STK3: variants seen among roughly 807,000 people sequenced by gnomAD.
STK3 encodes the protein serine/threonine-protein kinase 3.
STK3 carries 41 observed loss-of-function variants against 58.0 expected under a neutral mutation model. The ratio of observed to expected loss-of-function variants is 0.71; its 90% confidence interval spans 0.55 to 0.92. The LOEUF (loss-of-function observed/expected upper bound fraction) is 0.92, where lower values mean the gene tolerates loss of function less well. Ranked by LOEUF, STK3 falls within the 40% of genes least tolerant of loss-of-function variation. The pLI is 0.00. For missense variants in STK3, 479 were observed against 602.7 expected (o/e 0.79, Z 2.15); for synonymous variants, 170 against 191.0 (o/e 0.89, Z 0.91).
At chr8:98,804,617 A>G (rs1358428489) in intron 1 of STK3, among the ~76,000 whole-genome samples, 1 of 152,166 alleles carries the variant, frequency 6.6e-6, no homozygotes, top group Non-Finnish European at 1.5e-5. Context: ...TCTTCAACTC[A>G]ACTAGTTATC....
At chr8:98,660,314 T>A (rs1301730750) in intron 6 of STK3, among the ~76,000 whole-genome samples, 2 of 152,002 alleles carry the variant, frequency 1.3e-5, no homozygotes. Context: ...GTTGCAGTTG[T>A]GCTAGATGAA....
Position 98,596,069 on chromosome 8 carries a change from T to A in STK3, c.785A>T (p.Asn262Ile). ...TGTTGCAGTAGCTCTCTGCTCAGGA[T>A]TCTTCACCAAACACTTTTTAACAAA... The part of the protein sequence containing the change: ...TDFVKKCLVK[N>I]PEQRATATQL... The change falls in exon 7 of 11, where the codon AAT becomes ATT. Residue 262 changes from asparagine to isoleucine, a missense_variant. This residue lies in a region of STK3 where 309 missense variants were observed against 355.7 expected (regional missense o/e 0.87). Coordinates refer to ENST00000419617, the MANE Select transcript of STK3 (RefSeq NM_006281.4). 1 of 1,613,436 alleles carries A rather than the reference T, an allele frequency of 6.2e-7. No individual in the cohort carries two copies.
rs1243280491 is a variant in STK3 at position 98,454,846 on chromosome 8, T to C, written c.*996A>G. ...AGTCCCCAAGGCTTGTACCACTCAG[T>C]ACAAATGTTTTTGCTACTGGGTTAT... On this transcript the variant is annotated 3_prime_UTR_variant, in exon 11 of 11. Transcript: ENST00000419617. The C allele has an allele frequency of 6.6e-6, 1 of 152,612 alleles. No homozygotes were observed. Among genetic ancestry groups the C allele is most frequent in the South Asian group, 2.1e-4 (1 of 4,820 alleles). The allele number at this position is 152,612 out of a possible 1,614,324, so 9.5% of individuals were successfully genotyped here.
chr8:98,464,295 C>T (rs1820251628), intron 10 of STK3, among the ~76,000 whole-genome samples: 1 of 152,082 alleles, frequency 6.6e-6, no homozygotes. Flanking sequence ...GCAACATACT[C>T]TTTTTTCCCT....
intron 1 of STK3, among the ~76,000 whole-genome samples, chr8:98,801,331 A>G (rs376204251): frequency 1.3e-5 from 2 of 152,138 alleles, no homozygotes; most frequent in African/African-American, 4.8e-5. Context: ...GGGGTCAGAT[A>G]AGGGAATAAA....
intron 1 of STK3, among the ~76,000 whole-genome samples, chr8:98,895,737 G>C (rs1464933447): frequency 6.6e-6 from 1 of 152,146 alleles, no homozygotes; most frequent in Non-Finnish European, 1.5e-5. Context: ...CTTAGCTGCT[G>C]ATTGTGTTGA....
At chr8:98,696,232 T>C (rs998482938) in intron 6 of STK3, among the ~76,000 whole-genome samples, 22 of 152,340 alleles carry the variant, frequency 1.4e-4, no homozygotes, top group African/African-American at 3.4e-4. Flanking sequence ...GCTGAAGTTG[T>C]TTATCAGCTA....
intron 1 of STK3, chr8:98,439,436 T>C (rs2131092758): frequency 6.6e-6 from 1 of 152,160 alleles, no homozygotes; most frequent in African/African-American, 2.4e-5. Context: ...AACAATGAGA[T>C]TGGAAGGGAC....
intron 1 of STK3, among the ~76,000 whole-genome samples, chr8:98,927,274 T>C (rs922846380): frequency 7.9e-5 from 12 of 152,222 alleles, no homozygotes; most frequent in African/African-American, 2.9e-4. Flanking sequence ...GTTGGCCCTA[T>C]AGTGTTATTT....
intron 10 of STK3, among the ~76,000 whole-genome samples, chr8:98,473,343 T>C (rs984035479): frequency 1.8e-4 from 27 of 152,300 alleles, no homozygotes; most frequent in African/African-American, 5.5e-4. Context: ...CTTCTTTCTC[T>C]TGTGCATCTT....
At chr8:98,452,520 C>A (rs1033023881), downstream of STK3, among the ~76,000 whole-genome samples, 8 of 152,082 alleles carry the variant, frequency 5.3e-5, no homozygotes, top group Non-Finnish European at 1.2e-4. Flanking sequence ...ATCTACAGGA[C>A]AATATATACA....
At chr8:98,630,661 A>AATGAGAAGG (rs1563825611) in intron 6 of STK3, among the ~76,000 whole-genome samples, 5 of 148,782 alleles carry the variant, frequency 3.4e-5, no homozygotes, top group African/African-American at 1.2e-4. Flanking sequence ...GGAGAAGGAG[A>AATGAGAAGG]AGGAGAAGGA....
At chr8:98,539,215 T>C (rs1810028224) in intron 9 of STK3, among the ~76,000 whole-genome samples, 2 of 152,202 alleles carry the variant, frequency 1.3e-5, no homozygotes, top group Admixed American at 6.5e-5. Flanking sequence ...ATGTATTTCA[T>C]GAGCATTAAA....
intron 6 of STK3, among the ~76,000 whole-genome samples, chr8:98,653,150 A>T (rs1411255866): frequency 6.6e-6 from 1 of 152,210 alleles, no homozygotes; most frequent in African/African-American, 2.4e-5. Context: ...CCACAGTGCA[A>T]TCAAACTAGA....
chr8:98,628,855 T>C lies in STK3; in HGVS notation c.685-32686A>G, dbSNP rs552948799. ...AAAAAAAAAAAAAGGAATGTGCCTA[T>C]AAATGGAAGACAGTGACGAAGGTAA... On this transcript the variant is annotated intron_variant, in intron 6 of 10. Coordinates refer to ENST00000419617, the MANE Select transcript of STK3 (RefSeq NM_006281.4). Among the ~76,000 whole-genome samples, 4 of 139,238 alleles carry C rather than the reference T, an allele frequency of 2.9e-5. No homozygotes were observed. In the Admixed American group the frequency reaches 2.9e-4, roughly 10 times the overall value. The allele number at this position is 139,238 out of a possible 152,430, so 91.3% of individuals were successfully genotyped here. A position where few individuals can be genotyped will look rare whatever the true frequency, so the allele number is the denominator to read the frequency against.
chr8:98,586,829 A>G (rs200677646), intron 7 of STK3, among the ~76,000 whole-genome samples: 1 of 151,318 alleles, frequency 6.6e-6, no homozygotes, highest in South Asian at 2.1e-4. Flanking sequence ...GTCCTGGGAG[A>G]GTGTATGTGT....
At chr8:98,668,938 G>A (rs1822570976) in intron 6 of STK3, among the ~76,000 whole-genome samples, 1 of 150,162 alleles carries the variant, frequency 6.7e-6, no homozygotes, top group South Asian at 2.1e-4. Context: ...ATTGTGTTCA[G>A]CTTTCAAACT....
chr8:98,700,735 T>C (rs1424336924), intron 6 of STK3, among the ~76,000 whole-genome samples: 3 of 152,246 alleles, frequency 2.0e-5, no homozygotes, highest in Non-Finnish European at 4.4e-5. Flanking sequence ...GTTTGATTTC[T>C]ATTTTCTTTC....
At chr8:98,483,503 T>A (rs1822005713) in intron 10 of STK3, among the ~76,000 whole-genome samples, 1 of 152,128 alleles carries the variant, frequency 6.6e-6, no homozygotes, top group Admixed American at 6.6e-5. Context: ...TAAATTTAGA[T>A]GGGGGTGAGG....
Sources: gnomAD v4.1 joint callset for allele counts (sites outside exome capture counted in the v4.1 genomes callset) on GRCh38, gnomAD v4.1.1 for gene constraint, gnomAD v4.1.1 regional missense constraint, MANE v1.5 for transcripts, NCBI Gene and HGNC (gene_info 2026-07-23, HGNC 2026-07-21) for gene names.